The following GRID2 variants were observed in gnomAD, a reference collection of about 807,000 sequenced individuals.
GRID2 encodes glutamate receptor ionotropic, delta-2.
GRID2 carries 33 observed loss-of-function variants against 114.8 expected under a neutral mutation model. That is an observed-to-expected ratio of 0.29 (90% CI 0.22 to 0.38). GRID2 has a LOEUF of 0.38. Ranked by LOEUF, GRID2 falls within the 10% of genes least tolerant of loss-of-function variation. GRID2 has a pLI of 1.00. For missense variants in GRID2, 1,184 were observed against 1,257.7 expected, an observed-to-expected ratio of 0.94 and a Z score of 0.89; for synonymous variants, 505 against 449.9, an observed-to-expected ratio of 1.12 and a Z score of -1.55.
At chr4:93,757,280 G>A (rs1167281792) in intron 14 of GRID2, among the ~76,000 whole-genome samples, 1 of 152,154 alleles carries the variant, frequency 6.6e-6, no homozygotes, top group African/African-American at 2.4e-5. Flanking sequence ...TAACTTACAG[G>A]CCTTGCTTCT....
intron 1 of GRID2, among the ~76,000 whole-genome samples, chr4:92,523,655 T>C (rs187581387): frequency 7.4e-4 from 112 of 152,108 alleles, no homozygotes; most frequent in Middle Eastern, 3.4e-3. Context: ...CTCTGTAAGA[T>C]AAAGACTGTA....
At position 92,492,445 on chromosome 4, in the gene GRID2, A is replaced by C. The variant is rs1723186942; in HGVS notation, c.89-97686A>C. On this transcript the variant is annotated intron_variant, in intron 1 of 15. Transcript: ENST00000282020. ...TGTAATCAGGCAATTGTATAGATAC[A>C]TAAGAGCATGTATCATTCTGAGTTA... Among the ~76,000 whole-genome samples, 2 of 152,220 alleles carry C rather than the reference A, an allele frequency of 1.3e-5. 1 individual carries two copies. The highest frequency in any genetic ancestry group is 4.1e-4 in the South Asian group (2 of 4,836).
chr4:93,593,723 G>C (rs11938647), intron 13 of GRID2, among the ~76,000 whole-genome samples: 9,354 of 151,974 alleles, frequency 0.062, 469 homozygotes, highest in African/African-American at 0.14. Flanking sequence ...TTTTCACATA[G>C]TCCCATATTT....
intron 2 of GRID2, among the ~76,000 whole-genome samples, chr4:92,673,939 C>T (rs1733199179): frequency 1.3e-5 from 2 of 152,096 alleles, no homozygotes; most frequent in Admixed American, 1.3e-4. Context: ...CAAACCTGCA[C>T]ATTGTGCACA....
chr4:92,325,755 C>T (rs1164565746), intron 1 of GRID2, among the ~76,000 whole-genome samples: 1 of 151,582 alleles, frequency 6.6e-6, no homozygotes, highest in Non-Finnish European at 1.5e-5. Flanking sequence ...ACTGCTTGGA[C>T]TCATTTTAAG....
intron 2 of GRID2, among the ~76,000 whole-genome samples, chr4:92,722,682 T>G (rs996057643): frequency 6.6e-6 from 1 of 152,106 alleles, no homozygotes; most frequent in Non-Finnish European, 1.5e-5. Flanking sequence ...CTCCTTTAGA[T>G]GACGCCAAGT....
intron 8 of GRID2, among the ~76,000 whole-genome samples, chr4:93,348,786 A>G (rs1423465199): frequency 2.0e-5 from 3 of 152,196 alleles, no homozygotes; most frequent in East Asian, 3.9e-4. Context: ...AGGGAAAACA[A>G]TCAAATAAAA....
intron 13 of GRID2, among the ~76,000 whole-genome samples, chr4:93,527,950 A>G (rs1731076016): frequency 6.6e-6 from 1 of 152,082 alleles, no homozygotes; most frequent in Non-Finnish European, 1.5e-5. Flanking sequence ...TATAAATGTA[A>G]TCACATAGTA....
At chr4:93,704,831 A>G (rs1205310835) in intron 14 of GRID2, among the ~76,000 whole-genome samples, 1 of 152,228 alleles carries the variant, frequency 6.6e-6, no homozygotes, top group African/African-American at 2.4e-5. Context: ...TATGTAACAC[A>G]TTTTCTTTAT....
Position 92,486,574 on chromosome 4 carries a change from C to CAA in GRID2, c.89-103556_89-103555insAA. On this transcript the variant is annotated intron_variant, in intron 1 of 15. Coordinates refer to ENST00000282020, the MANE Select transcript of GRID2 (RefSeq NM_001510.4). ...ACACACACACACACACACACACACA[C>CAA]ACACACACACACACACAAACACAGA... Among the ~76,000 whole-genome samples, 3 of 151,278 alleles carry CAA rather than the reference C, an allele frequency of 2.0e-5. No homozygotes were observed. The South Asian group carries it at 6.3e-4, about 32-fold the overall frequency.
At chr4:92,528,820 TAAAA>T (rs755194146) in intron 1 of GRID2, among the ~76,000 whole-genome samples, 2 of 94,128 alleles carry the variant, frequency 2.1e-5, no homozygotes, top group Admixed American at 1.2e-4. Flanking sequence ...GAACATCCTG[TAAAA>T]AAAAAAAAAA....
At chr4:92,934,877 C>G (rs1441365183) in intron 2 of GRID2, among the ~76,000 whole-genome samples, 2 of 146,424 alleles carry the variant, frequency 1.4e-5, no homozygotes, top group Non-Finnish European at 1.5e-5. Flanking sequence ...CACCTTATAC[C>G]AAAATTAATT....
chr4:93,466,205 T>G (rs1452976570), intron 11 of GRID2, among the ~76,000 whole-genome samples: 1 of 152,200 alleles, frequency 6.6e-6, no homozygotes, highest in Non-Finnish European at 1.5e-5. Context: ...CTGATGGCAG[T>G]CTGAAACCAT....
At chr4:92,569,797 C>T (rs775286398) in intron 1 of GRID2, among the ~76,000 whole-genome samples, 3 of 151,884 alleles carry the variant, frequency 2.0e-5, no homozygotes, top group Non-Finnish European at 2.9e-5. Flanking sequence ...TGTCCAATGC[C>T]CACTTTTTAA....
At chr4:92,307,265 T>A (rs550374907) in intron 1 of GRID2, among the ~76,000 whole-genome samples, 1 of 152,240 alleles carries the variant, frequency 6.6e-6, no homozygotes, top group East Asian at 1.9e-4. Context: ...TGGGGAAATA[T>A]ATTAGTTCAG....
chr4:92,884,359 A>G (rs954201896), intron 2 of GRID2, among the ~76,000 whole-genome samples: 15 of 152,136 alleles, frequency 9.9e-5, no homozygotes, highest in African/African-American at 2.7e-4. Flanking sequence ...AGCCTTCTCT[A>G]TATCATCAAC....
intron 14 of GRID2, among the ~76,000 whole-genome samples, chr4:93,679,312 C>G (rs1725262115): frequency 6.6e-6 from 1 of 150,988 alleles, no homozygotes; most frequent in Non-Finnish European, 1.5e-5. Context: ...GACTTAGACT[C>G]CCACCCAATA....
intron 2 of GRID2, among the ~76,000 whole-genome samples, chr4:93,079,257 T>G (rs1457646663): frequency 2.6e-5 from 4 of 152,006 alleles, no homozygotes; most frequent in Admixed American, 2.0e-4. Flanking sequence ...AGTACCATTT[T>G]GCAGCCTTGT....
chr4:92,492,176 TA>T (rs1339601899), intron 1 of GRID2, among the ~76,000 whole-genome samples: 1 of 152,204 alleles, frequency 6.6e-6, no homozygotes, highest in Non-Finnish European at 1.5e-5. Flanking sequence ...TCTTTGAATC[TA>T]GAAAGGGATC....
Sources: gnomAD v4.1 joint callset for allele counts (sites outside exome capture counted in the v4.1 genomes callset) on GRCh38, gnomAD v4.1.1 for gene constraint, MANE v1.5 for transcripts, NCBI Gene and HGNC (gene_info 2026-07-23, HGNC 2026-07-21) for gene names.